CLCNKA: variants seen among roughly 807,000 people sequenced by gnomAD.
The protein encoded by CLCNKA is chloride voltage-gated channel Ka, also known as chloride channel protein ClC-Ka.
In CLCNKA, 66 loss-of-function variants were observed where a neutral mutation model predicts 83.3. The ratio of observed to expected loss-of-function variants is 0.79; its 90% CI spans 0.65 to 0.97. The LOEUF is 0.97. Ranked by LOEUF, CLCNKA falls within the 50% of genes least tolerant of loss-of-function variation. The pLI is 0.00. For synonymous variants in CLCNKA, 357 were observed against 370.4 expected (o/e 0.96, Z 0.42); for missense variants, 806 against 888.7 (o/e 0.91, Z 1.18).
chr1:16,023,806 T>C lies in CLCNKA; in HGVS notation c.107T>C (p.Leu36Pro). 1 of 1,614,022 alleles carries C rather than the reference T, an allele frequency of 6.2e-7. No individual in the cohort carries two copies. The highest frequency in any genetic ancestry group is 8.5e-7 in the Non-Finnish European group (1 of 1,179,942). ...PHIRRAIQGGLEWLKQKVFRL... is the reference protein window; with the variant it reads ...PHIRRAIQGGPEWLKQKVFRL... ...CTCCGATACCCTGCCCCAGGTGGCC[T>C]GGAGTGGCTAAAGCAGAAGGTGTTC... The change falls in exon 3 of 20, where the codon CTG becomes CCG. Residue 36 changes from leucine (L) to proline (P), a missense_variant. Physicochemically the swap from Leu to Pro is moderately conservative, Grantham distance 98. Coordinates refer to ENST00000331433, the MANE Select transcript of CLCNKA (RefSeq NM_004070.4).
In CLCNKA at chr1:16,029,802, TG is replaced by T. The variant is rs767704116; in HGVS notation, c.1297+3del. The T allele has an allele frequency of 6.2e-7, 1 of 1,614,052 alleles. No homozygotes were observed. Among genetic ancestry groups the T allele is most frequent in the Non-Finnish European group, 8.5e-7 (1 of 1,179,976 alleles). Reference sequence around the variant, plus strand: ...ACTTCATGCCCATCTTTATCCTTGGTGAGTCTGGGGTCCTGAGGTTCTGAGA... The same window carrying T: ...ACTTCATGCCCATCTTTATCCTTGGTAGTCTGGGGTCCTGAGGTTCTGAGA... On this transcript the variant is annotated splice_donor_region_variant and intron_variant, in intron 13 of 19. Coordinates refer to ENST00000331433, the MANE Select transcript of CLCNKA (RefSeq NM_004070.4).
At position 16,026,227 on chromosome 1, in the gene CLCNKA, A is replaced by C. The variant is rs1367942123; in HGVS notation, c.478A>C (p.Thr160Pro). The C allele has an allele frequency of 6.2e-7, 1 of 1,613,786 alleles. No individual in the cohort carries two copies. The highest frequency in any genetic ancestry group is 8.5e-7 in the Non-Finnish European group (1 of 1,180,006). Residue 160 changes from threonine to proline, a missense_variant, in exon 5 of 20, where the codon ACC becomes CCC. Physicochemically the swap from Thr to Pro is conservative, Grantham distance 38. Coordinates refer to ENST00000331433, the MANE Select transcript of CLCNKA (RefSeq NM_004070.4). The part of the protein sequence containing the change: ...GLSCTLATGS[T>P]LFLGKVGPFV... ...CTCCTGCACCCTGGCCACCGGCAGC[A>C]CCCTGTTCCTGGGCAAAGTGGTATG...
At position 16,023,533 on chromosome 1, in the gene CLCNKA, A is replaced by G. The variant is rs2017583; in HGVS notation, c.101-267A>G. Among the ~76,000 whole-genome samples the G allele has an allele frequency of 0.7, 106,476 of 152,186 alleles. 37,614 individuals are homozygous for G. Among genetic ancestry groups the G allele is most frequent in the East Asian group, 0.97 (5,041 of 5,174 alleles). Reference sequence around the variant, plus strand: ...CCTGCCCAGCCCCCAGTGTGAGGCAAGCCAGCAGAGGGTAGCTCCAGGCTC... The same window carrying G: ...CCTGCCCAGCCCCCAGTGTGAGGCAGGCCAGCAGAGGGTAGCTCCAGGCTC... On this transcript the variant is annotated intron_variant, in intron 2 of 19. Transcript: ENST00000331433.
intron 7 of CLCNKA, 124 bp downstream of exon 7, chr1:16,026,899 C>A: frequency 2.9e-6 from 4 of 1,366,036 alleles, no homozygotes; most frequent in Non-Finnish European, 4.1e-6. Context: ...CTCACTTCAG[C>A]CCCGCTTTGG....
chr1:16,031,607 GCCGTGGGTC>G (rs2022627231), intron 15 of CLCNKA, 94 bp from the exon 16 acceptor site: 1 of 1,542,528 alleles, frequency 6.5e-7, no homozygotes, highest in East Asian at 2.3e-5. Flanking sequence ...ACACTCCAGA[GCCGTGGGTC>G]CCTGGTTCAA....
At position 16,022,624 on chromosome 1, in the gene CLCNKA, A is replaced by AG; in HGVS notation, c.7dup (p.Glu3GlyfsTer7). 6.4e-7 allele frequency: 1 copy of AG among 1,563,794 alleles called. No homozygotes were observed. Among genetic ancestry groups the AG allele is most frequent in the Non-Finnish European group, 8.7e-7 (1 of 1,153,498 alleles). On this transcript the variant is annotated frameshift_variant, in exon 2 of 20. Transcript: ENST00000331433. LOFTEE classifies it high-confidence loss of function. ...ATCTGCTTCTCCAGGGGCCTGATGG[A>AG]GGAGTTGGTGGGGCTGCGTGAGGGC...
At position 16,033,273 on chromosome 1, in the gene CLCNKA, G is replaced by T. The variant is rs754949104; in HGVS notation, c.2016+17G>T. 8.7e-6 allele frequency: 14 copies of T among 1,613,732 alleles called. No individual in the cohort carries two copies. The South Asian group carries it at 1.4e-4, about 16-fold the overall frequency. On this transcript the variant is annotated intron_variant, in intron 19 of 19. Transcript: ENST00000331433. ...TGGGTGGAGGTACCAGGGTCCCGGG[G>T]GCAGAGCAAAGCAGGGGACCCATGC... is the stretch of plus-strand genomic sequence containing the variant.
intron 15 of CLCNKA, among the ~76,000 whole-genome samples, chr1:16,031,188 C>T (rs533747566): frequency 6.6e-4 from 101 of 152,314 alleles, no homozygotes; most frequent in African/African-American, 2.2e-3. Flanking sequence ...TCGGAGGCCC[C>T]GCTCCAAACA....
chr1:16,026,253 G>A lies in CLCNKA; in HGVS notation c.498+6G>A, dbSNP rs1290098297. ...CCCTGTTCCTGGGCAAAGTGGTATG[G>A]TCAGGTGTGAGGGCACCCCAGCCAC... On this transcript the variant is annotated splice_donor_region_variant and intron_variant, in intron 5 of 19. Coordinates refer to ENST00000331433, the MANE Select transcript of CLCNKA (RefSeq NM_004070.4). 1 of 1,613,670 alleles carries A rather than the reference G, an allele frequency of 6.2e-7. No individual in the cohort carries two copies. The highest frequency in any genetic ancestry group is 1.3e-5 in the African/African-American group (1 of 75,012).
intron 10 of CLCNKA, 171 bp from the exon 11 acceptor site, chr1:16,028,590 C>G (rs757332612): frequency 1.2e-6 from 1 of 810,270 alleles, no homozygotes; most frequent in African/African-American, 1.7e-5. Context: ...CGGGTTCTAC[C>G]CGCTGGAGGG....
intron 18 of CLCNKA, 36 bp downstream of exon 18, chr1:16,032,562 C>A (rs750436717): frequency 1.3e-6 from 2 of 1,506,812 alleles, no homozygotes; most frequent in South Asian, 1.1e-5. Flanking sequence ...CACGCAGCCC[C>A]CGGGGCAGGG....
rs534645799 is a variant in CLCNKA, at chr1:16,024,062, T to G, written c.229+134T>G. The G allele has an allele frequency of 3.6e-6, 4 of 1,099,088 alleles. No individual in the cohort carries two copies. In the East Asian group the frequency reaches 9.9e-5, roughly 27 times the overall value. The allele number at this position is 1,099,088 out of a possible 1,614,324, so 68.1% of individuals were successfully genotyped here. A position where few individuals can be genotyped will look rare whatever the true frequency, so the allele number is the denominator to read the frequency against. On this transcript the variant is annotated intron_variant, in intron 3 of 19. Coordinates refer to ENST00000331433, the MANE Select transcript of CLCNKA (RefSeq NM_004070.4). Reference sequence around the variant, plus strand: ...GGGAGGGCTCTGGCTCTACTCCTGATTTGCTCTGTGATCCTGGGCAGGCTC... The same window carrying G: ...GGGAGGGCTCTGGCTCTACTCCTGAGTTGCTCTGTGATCCTGGGCAGGCTC...
At chr1:16,022,767 T>G in intron 2 of CLCNKA, 48 bp downstream of exon 2, 1 of 1,326,248 alleles carries the variant, frequency 7.5e-7, no homozygotes. Context: ...ACTCAGGACA[T>G]CATTCCTGCC....
chr1:16,026,981 T>G (rs1426818912), intron 7 of CLCNKA: 5 of 690,418 alleles, frequency 7.2e-6, no homozygotes, highest in African/African-American at 3.6e-5. Context: ...GCTGAGAGGC[T>G]TCAGGATAAC....
At chr1:16,030,429 C>G in intron 14 of CLCNKA, 32 bp from the exon 15 acceptor site, 1 of 1,611,270 alleles carries the variant, frequency 6.2e-7, no homozygotes, top group Non-Finnish European at 8.5e-7. Context: ...GCCTCCTGGC[C>G]TGAGCCGACC....
chr1:16,029,013 C>A, intron 11 of CLCNKA, 113 bp from the exon 12 acceptor site: 1 of 1,539,256 alleles, frequency 6.5e-7, no homozygotes, highest in South Asian at 1.1e-5. Context: ...CCAAGGCCCC[C>A]CGCTGGGAAG....
chr1:16,033,211 C>A lies in CLCNKA; in HGVS notation c.1971C>A (p.Phe657Leu). ...AGCTGTTGAACCTTCAGTCCCTCTT[C>A]GTGACATCGCGGGGCAGAGCTGTGG... is the stretch of plus-strand genomic sequence containing the variant. ...LFKLLNLQSL[F>L]VTSRGRAVGC... The change falls in exon 19 of 20, where the codon TTC becomes TTA. Residue 657 changes from phenylalanine to leucine, a missense_variant. Physicochemically the swap from Phe to Leu is conservative, Grantham distance 22 (BLOSUM62 0). Transcript: ENST00000331433. 1 of 1,614,158 alleles carries A rather than the reference C, an allele frequency of 6.2e-7. No homozygotes were observed. The highest frequency in any genetic ancestry group is 8.5e-7 in the Non-Finnish European group (1 of 1,180,010).
rs2022278735 is a variant in CLCNKA, at chr1:16,024,765, C to T, written c.232C>T (p.His78Tyr). The change falls in exon 4 of 20, where the codon CAC (histidine) becomes TAC (tyrosine). Residue 78 changes from histidine to tyrosine, a missense_variant and splice_region_variant. His to Tyr is a moderately conservative substitution (Grantham distance 83). Coordinates refer to ENST00000331433, the MANE Select transcript of CLCNKA (RefSeq NM_004070.4). Reference protein sequence around the residue: ...NFAIGCVVRAHQWLYREIGDS... With the variant: ...NFAIGCVVRAYQWLYREIGDS... ...CCCTGATACGCGGCTGTCCCCAGCACACCAGTGGCTGTACAGGGAGATTGG... is the reference window on the plus strand; with the variant it reads ...CCCTGATACGCGGCTGTCCCCAGCATACCAGTGGCTGTACAGGGAGATTGG... 6 of 1,614,060 alleles carry T rather than the reference C, an allele frequency of 3.7e-6. No individual in the cohort carries two copies. The highest frequency in any genetic ancestry group is 5.1e-6 in the Non-Finnish European group (6 of 1,180,024).
chr1:16,030,766 G>A (rs990936673), intron 15 of CLCNKA, 92 bp downstream of exon 15: 32 of 1,522,494 alleles, frequency 2.1e-5, no homozygotes, highest in Middle Eastern at 1.9e-4. Context: ...AAACACCACC[G>A]CAGCTGACCT....
Sources: allele counts gnomAD v4.1 joint callset (sites outside exome capture counted in the v4.1 genomes callset), GRCh38; gene constraint gnomAD v4.1.1; transcripts MANE v1.5; gene names NCBI Gene and HGNC (gene_info 2026-07-23, HGNC 2026-07-21).